Variants in AHCTF1 observed in about 807,000 individuals in gnomAD.
AHCTF1 encodes the protein AT-hook containing transcription factor 1.
A neutral mutation model predicts 248.4 loss-of-function variants in AHCTF1; 24 were observed. The ratio of observed to expected loss-of-function variants is 0.10; its 90% confidence interval spans 0.07 to 0.14. The LOEUF (loss-of-function observed/expected upper bound fraction) is 0.14, where lower values mean the gene tolerates loss of function less well. Ranked by LOEUF, AHCTF1 falls within the 10% of genes least tolerant of loss-of-function variation. The pLI, the probability that AHCTF1 is intolerant of heterozygous loss-of-function variation, is 1.00. For missense variants in AHCTF1, 2,206 were observed against 2,636.2 expected (o/e 0.84, Z 3.57); for synonymous variants, 786 against 929.8 (o/e 0.85, Z 2.81).
In AHCTF1 at chr1:246,887,212, T is replaced by A; in HGVS notation, c.2471A>T (p.Glu824Val). The A allele has an allele frequency of 6.2e-7, 1 of 1,610,110 alleles. No individual in the cohort carries two copies. Among genetic ancestry groups the A allele is most frequent in the South Asian group, 1.1e-5 (1 of 90,008 alleles). Residue 824 changes from glutamate (E) to valine (V), a missense_variant and splice_region_variant, in exon 20 of 36, where the codon GAG (glutamate) becomes GTG (valine). Glu to Val is a moderately radical substitution (Grantham distance 121). Coordinates refer to ENST00000648844, the MANE Select transcript of AHCTF1 (RefSeq NM_001323342.2). ...GFWLIDHNDY[E>V]SGLDLLFHPA... ...TATGCTGTAAGTGAATAGACTTACC[T>A]CATAGTCATTATGATCTATCAACCA...
At position 246,864,114 on chromosome 1, in the gene AHCTF1, A is replaced by G; in HGVS notation, c.3350T>C (p.Leu1117Pro). 1 of 1,613,390 alleles carries G rather than the reference A, an allele frequency of 6.2e-7. No individual in the cohort carries two copies. ...ISKASQKISR[L>P]LDLVVQPVPR... is the part of the protein sequence containing the mutation. ...GACAGGCTGAACAACCAAATCTAGC[A>G]GTCTGTAATCAGAATGCGCATTTAT... Residue 1117 changes from leucine to proline, a missense_variant and splice_region_variant, in exon 27 of 36, where the codon CTG (leucine) becomes CCG (proline). This residue lies in a region of AHCTF1 where 955 missense variants were observed against 1,055.6 expected (regional missense o/e 0.90). Transcript: ENST00000648844.
At chr1:246,844,270 T>A (rs1365703975) in intron 33 of AHCTF1, among the ~76,000 whole-genome samples, 4 of 152,206 alleles carry the variant, frequency 2.6e-5, no homozygotes, top group African/African-American at 9.6e-5. Flanking sequence ...GCATTAATCC[T>A]ATATGTAACC....
intron 31 of AHCTF1, among the ~76,000 whole-genome samples, chr1:246,854,971 T>C (rs1020769498): frequency 7.5e-6 from 1 of 132,894 alleles, no homozygotes; most frequent in Non-Finnish European, 1.6e-5. Context: ...TTTTTACATG[T>C]TAGACAATTC....
At chr1:246,902,410 G>A (rs1294633106) in intron 8 of AHCTF1, 115 bp downstream of exon 8, 6 of 1,302,686 alleles carry the variant, frequency 4.6e-6, no homozygotes, top group South Asian at 2.9e-5. Flanking sequence ...AATAAATTCC[G>A]TTAATTACTA....
intron 1 of AHCTF1, among the ~76,000 whole-genome samples, chr1:246,919,606 G>A (rs752328787): frequency 6.6e-6 from 1 of 151,260 alleles, no homozygotes; most frequent in Non-Finnish European, 1.5e-5. Context: ...TCACCTACTC[G>A]GGAGGCTGAA....
chr1:246,859,614 G>A (rs1661375418), intron 29 of AHCTF1, among the ~76,000 whole-genome samples: 1 of 151,940 alleles, frequency 6.6e-6, no homozygotes, highest in Non-Finnish European at 1.5e-5. Context: ...CTCTTGCCTG[G>A]GCTGGAGTTC....
chr1:246,842,627 T>C, intron 35 of AHCTF1, 67 bp downstream of exon 35: 7 of 1,178,734 alleles, frequency 5.9e-6, no homozygotes, highest in Non-Finnish European at 8.3e-6. Flanking sequence ...AGGAGGATAG[T>C]AGGGTGGGGA....
chr1:246,874,948 C>T (rs891688352), intron 24 of AHCTF1, among the ~76,000 whole-genome samples: 19 of 152,204 alleles, frequency 1.2e-4, no homozygotes, highest in Non-Finnish European at 1.8e-4. Context: ...GCCTGTTTTA[C>T]AGCCTCCTGC....
intron 24 of AHCTF1, 92 bp from the exon 25 acceptor site, chr1:246,867,903 A>T (rs532198828): frequency 7.9e-6 from 1 of 126,094 alleles, no homozygotes. Context: ...CCCCCCCCCC[A>T]CACACACACA....
chr1:246,888,334 A>G (rs1310128965), intron 18 of AHCTF1, 60 bp downstream of exon 18: 1 of 1,612,240 alleles, frequency 6.2e-7, no homozygotes, highest in Admixed American at 1.7e-5. Context: ...ACAGCTAAGC[A>G]TGTCTCCTCC....
chr1:246,859,020 G>A (rs1449564862), intron 29 of AHCTF1, among the ~76,000 whole-genome samples: 2 of 152,108 alleles, frequency 1.3e-5, no homozygotes, highest in Non-Finnish European at 2.9e-5. Flanking sequence ...TGCAGGAGCT[G>A]AAATAGCCCC....
At chr1:246,876,442 T>C (rs1350826430) in intron 23 of AHCTF1, among the ~76,000 whole-genome samples, 4 of 152,220 alleles carry the variant, frequency 2.6e-5, no homozygotes, top group Non-Finnish European at 4.4e-5. Context: ...TAAGCATCCA[T>C]GTGTCAGGCA....
intron 30 of AHCTF1, 90 bp from the exon 31 acceptor site, chr1:246,855,917 G>T: frequency 1.2e-6 from 1 of 848,028 alleles, no homozygotes; most frequent in East Asian, 2.7e-5. Context: ...TGTCATTTTG[G>T]TGATGTAAAC....
chr1:246,908,078 T>C (rs915799430), intron 4 of AHCTF1, among the ~76,000 whole-genome samples: 1 of 152,180 alleles, frequency 6.6e-6, no homozygotes, highest in Non-Finnish European at 1.5e-5. Context: ...TATTGAAATT[T>C]AGAACTACTA....
chr1:246,883,519 T>C (rs1243503385), intron 21 of AHCTF1, among the ~76,000 whole-genome samples: 1 of 152,236 alleles, frequency 6.6e-6, no homozygotes, highest in Non-Finnish European at 1.5e-5. Context: ...GCAATAAACA[T>C]GGCTGCCTTT....
intron 5 of AHCTF1, among the ~76,000 whole-genome samples, chr1:246,906,138 T>A (rs1665372032): frequency 6.6e-6 from 1 of 152,166 alleles, no homozygotes; most frequent in African/African-American, 2.4e-5. Flanking sequence ...TCCCCACTAC[T>A]ACAACAGAAG....
intron 33 of AHCTF1, among the ~76,000 whole-genome samples, chr1:246,848,311 TCA>T (rs1660436773): frequency 2.6e-5 from 4 of 152,000 alleles, no homozygotes. Context: ...CCTCCCAGGT[TCA>T]CACCATTCTC....
rs750794098 is a variant in AHCTF1, at chr1:246,902,622, G to T, written c.1020C>A (p.Phe340Leu). The part of the protein sequence containing the change: ...RYTLDLTGGM[F>L]PLRGQTSNTK... ...TATTACTCGTCTGTCCCCTCAAAGG[G>T]AACATGCCACCTGTCAGGTCCAGGG... is the stretch of plus-strand genomic sequence containing the variant. The change falls in exon 8 of 36, where the codon TTC (phenylalanine) becomes TTA (leucine). Residue 340 changes from phenylalanine (F) to leucine (L), a missense_variant. Phe to Leu is a conservative substitution (Grantham distance 22, BLOSUM62 0). Transcript: ENST00000648844. The T allele has an allele frequency of 1.2e-6, 2 of 1,613,032 alleles. No individual in the cohort carries two copies. Among genetic ancestry groups the T allele is most frequent in the Non-Finnish European group, 1.7e-6 (2 of 1,179,786 alleles).
rs531147087 is a variant in AHCTF1, at chr1:246,876,081, C to T, written c.3044G>A (p.Arg1015Gln). The change falls in exon 24 of 36, where the codon CGA becomes CAA. Residue 1015 changes from arginine (R) to glutamine (Q), a missense_variant. Around this residue, in one of 6 missense-constraint regions of AHCTF1, gnomAD observed 955 missense variants for 1,055.6 expected, o/e 0.90. Transcript: ENST00000648844. ...TGTTGACAGATGATAAGGCTTAGCT[C>T]GTTCAATGGCTAATTTTCGATGGAC... ...PRVHRKLAIE[R>Q]AKPYHLSTSS... 2.1e-5 allele frequency: 34 copies of T among 1,608,364 alleles called. No individual in the cohort carries two copies. Among genetic ancestry groups the T allele is most frequent in the Non-Finnish European group, 2.3e-5 (27 of 1,177,674 alleles).
Sources: gnomAD v4.1 joint callset for allele counts (sites outside exome capture counted in the v4.1 genomes callset) on GRCh38, gnomAD v4.1.1 for gene constraint, gnomAD v4.1.1 regional missense constraint, MANE v1.5 for transcripts, NCBI Gene and HGNC (gene_info 2026-07-23, HGNC 2026-07-21) for gene names.